Variants in SGCD observed in about 807,000 individuals in gnomAD.
The protein encoded by SGCD is sarcoglycan delta, also known as delta-sarcoglycan.
A neutral mutation model predicts 36.6 loss-of-function variants in SGCD; 18 were observed. The ratio of observed to expected loss-of-function variants is 0.49; its 90% CI spans 0.34 to 0.73. The LOEUF (loss-of-function observed/expected upper bound fraction) is 0.73. SGCD is among the 30% of genes least tolerant of loss of function. The pLI, the probability that SGCD is intolerant of heterozygous loss-of-function variation, is 0.01. For synonymous variants in SGCD, 133 were observed against 130.6 expected, an observed-to-expected ratio of 1.02 and a Z score of -0.12; for missense variants, 387 against 346.7, an observed-to-expected ratio of 1.12 and a Z score of -0.92.
intron 1 of SGCD, among the ~76,000 whole-genome samples, chr5:156,005,583 T>C (rs1465436516): frequency 1.3e-5 from 2 of 152,122 alleles, no homozygotes; most frequent in Non-Finnish European, 2.9e-5. Flanking sequence ...CCCGAGTAGC[T>C]GGGACTACAG....
chr5:155,939,564 G>T (rs1224596465), intron 1 of SGCD, among the ~76,000 whole-genome samples: 1 of 150,176 alleles, frequency 6.7e-6, no homozygotes, highest in Non-Finnish European at 1.5e-5. Flanking sequence ...AGAATTGCTT[G>T]AACCTGGGAG....
At chr5:156,512,641 T>G (rs1046851917) in intron 4 of SGCD, among the ~76,000 whole-genome samples, 3 of 152,220 alleles carry the variant, frequency 2.0e-5, no homozygotes, top group Non-Finnish European at 4.4e-5. Context: ...TGAAGTACAC[T>G]TCTGATAAGT....
chr5:155,915,279 T>C (rs1756713055), intron 1 of SGCD, among the ~76,000 whole-genome samples: 1 of 152,202 alleles, frequency 6.6e-6, no homozygotes, highest in Non-Finnish European at 1.5e-5. Flanking sequence ...GCACTCTATG[T>C]GTGTCTATGC....
the SGCD span, among the ~76,000 whole-genome samples, chr5:155,848,727 A>G: frequency 6.6e-6 from 1 of 152,200 alleles, no homozygotes; most frequent in Non-Finnish European, 1.5e-5. Context: ...AAATGAGAGT[A>G]AAGTATCTGT....
the SGCD span, among the ~76,000 whole-genome samples, chr5:155,735,695 A>G: frequency 2.0e-5 from 3 of 152,226 alleles, no homozygotes; most frequent in Admixed American, 6.5e-5. Flanking sequence ...CAATTCCCAG[A>G]TGAAGCTCTT....
intron 1 of SGCD, among the ~76,000 whole-genome samples, chr5:155,884,236 T>C (rs1265522164): frequency 1.3e-5 from 2 of 152,212 alleles, no homozygotes; most frequent in Non-Finnish European, 2.9e-5. Flanking sequence ...TGCTTTTGTA[T>C]ACTTTCAAGC....
intron 3 of SGCD, among the ~76,000 whole-genome samples, chr5:156,205,597 G>C (rs952802958): frequency 1.3e-5 from 2 of 152,030 alleles, no homozygotes; most frequent in African/African-American, 4.8e-5. Flanking sequence ...GAGTTTTCCA[G>C]CCAATGTACA....
intron 3 of SGCD, among the ~76,000 whole-genome samples, chr5:156,346,525 C>A (rs1216135148): frequency 6.6e-6 from 1 of 152,110 alleles, no homozygotes; most frequent in Non-Finnish European, 1.5e-5. Flanking sequence ...GTCTCAAACT[C>A]CTGACCTCAA....
chr5:156,530,870 G>C (rs1427296980), intron 4 of SGCD, among the ~76,000 whole-genome samples: 4 of 151,250 alleles, frequency 2.6e-5, no homozygotes, highest in Admixed American at 2.6e-4. Flanking sequence ...GAGCCACCGT[G>C]TCTGGCCGCC....
At chr5:156,326,700 A>G (rs1437240131), upstream of SGCD, 1 of 152,534 alleles carries the variant, frequency 6.6e-6, no homozygotes, top group Non-Finnish European at 1.5e-5. Context: ...GACAGGGGTC[A>G]GCTGGGGACT....
chr5:156,387,169 A>G (rs1463122607), intron 3 of SGCD, among the ~76,000 whole-genome samples: 1 of 152,142 alleles, frequency 6.6e-6, no homozygotes, highest in African/African-American at 2.4e-5. Context: ...GTAACACAGA[A>G]GCACATGAGC....
chr5:156,167,331 A>G (rs571978862), intron 3 of SGCD, among the ~76,000 whole-genome samples: 1 of 152,178 alleles, frequency 6.6e-6, no homozygotes, highest in South Asian at 2.1e-4. Context: ...TAATGTTATT[A>G]TCCTACATTA....
At chr5:156,222,622 G>A (rs1420296418) in intron 3 of SGCD, among the ~76,000 whole-genome samples, 3 of 152,056 alleles carry the variant, frequency 2.0e-5, no homozygotes, top group Non-Finnish European at 4.4e-5. Flanking sequence ...CTTTTGAAAT[G>A]GGATTTATTC....
chr5:156,511,841 C>G (rs746518303), intron 4 of SGCD, among the ~76,000 whole-genome samples: 1 of 152,122 alleles, frequency 6.6e-6, no homozygotes, highest in African/African-American at 2.4e-5. Flanking sequence ...ACTGAACCAG[C>G]GAATCACTGA....
chr5:156,072,465 C>G (rs568478517), intron 1 of SGCD, among the ~76,000 whole-genome samples: 5 of 151,876 alleles, frequency 3.3e-5, no homozygotes, highest in Admixed American at 6.6e-5. Context: ...GGCCCCCACT[C>G]TCTTCTGGCT....
At chr5:155,987,557 T>G (rs1758355127) in intron 1 of SGCD, among the ~76,000 whole-genome samples, 1 of 152,182 alleles carries the variant, frequency 6.6e-6, no homozygotes, top group Non-Finnish European at 1.5e-5. Flanking sequence ...TCTCTGAGGC[T>G]TCTCTTTGTT....
the SGCD span, among the ~76,000 whole-genome samples, chr5:155,795,999 C>T: frequency 6.6e-6 from 1 of 151,994 alleles, no homozygotes; most frequent in Non-Finnish European, 1.5e-5. Context: ...TAAAACAGAC[C>T]AAAACATAAT....
chr5:156,496,139 T>C (rs753203292), intron 3 of SGCD, among the ~76,000 whole-genome samples: 3 of 152,166 alleles, frequency 2.0e-5, no homozygotes, highest in Non-Finnish European at 4.4e-5. Context: ...CTGTGCATCA[T>C]AGAATAGAAT....
chr5:156,680,771 G>C (rs1385896187), intron 7 of SGCD, among the ~76,000 whole-genome samples: 1 of 152,160 alleles, frequency 6.6e-6, no homozygotes, highest in Non-Finnish European at 1.5e-5. Flanking sequence ...AAAATGACAA[G>C]GTAGAAGCAC....
Sources: allele counts gnomAD v4.1 joint callset (sites outside exome capture counted in the v4.1 genomes callset), GRCh38; gene constraint gnomAD v4.1.1; transcripts MANE v1.5; gene names NCBI Gene and HGNC (gene_info 2026-07-23, HGNC 2026-07-21).